The following BNC2 variants were observed in gnomAD, a reference collection of about 807,000 sequenced individuals.
BNC2 encodes basonuclin zinc finger protein 2, also known as zinc finger protein basonuclin-2.
In BNC2, 20 loss-of-function variants were observed where a neutral mutation model predicts 76.3. The observed-to-expected ratio is 0.26, with a 90% CI of 0.18 to 0.38. The LOEUF is 0.38. Ranked by LOEUF, BNC2 falls within the 10% of genes least tolerant of loss-of-function variation. The probability of loss-of-function intolerance (pLI) is 1.00; values close to 1 mark genes in which losing one functional copy is unlikely to be tolerated. For missense variants in BNC2, 1,382 were observed against 1,399.8 expected (o/e 0.99, Z 0.20); for synonymous variants, 582 against 514.8 (o/e 1.13, Z -1.77).
At chr9:16,442,728 T>C (rs751894188) in intron 5 of BNC2, among the ~76,000 whole-genome samples, 16 of 152,160 alleles carry the variant, frequency 1.1e-4, no homozygotes, top group Non-Finnish European at 1.9e-4. Flanking sequence ...ACAACTGCTT[T>C]CTTTCTGTCC....
Position 16,436,766 on chromosome 9 carries a change from G to A in BNC2, c.1428C>T (p.Cys476=), listed in dbSNP as rs373312409. 2.2e-5 allele frequency: 36 copies of A among 1,614,070 alleles called. No homozygotes were observed. The African/African-American group carries it at 4.0e-4, about 18-fold the overall frequency. Residue 476 remains cysteine, a synonymous_variant, in exon 6 of 7, where the codon TGC becomes TGT. Transcript: ENST00000380672. The stretch of plus-strand genomic sequence containing the variant: ...TTCGGAGGGAGCTAAAGACCATGTT[G>A]CAACCTTCAATGGTGCATCGATGTT... ...KIKHRCTIEG[C]NMVFSSLRSR...
chr9:16,471,757 G>A lies in BNC2; in HGVS notation c.670-34233C>T, dbSNP rs556321131. ...GAAATGTGAGGACATAAGATTTGGAGGGGCCAGGTGCAGAATGATATGGTT... is the reference window on the plus strand; with the variant it reads ...GAAATGTGAGGACATAAGATTTGGAAGGGCCAGGTGCAGAATGATATGGTT... On this transcript the variant is annotated intron_variant, in intron 5 of 6. Transcript: ENST00000380672. 7.3e-4 allele frequency among the ~76,000 whole-genome samples: 111 copies of A among 152,268 alleles called. 3 individuals carry two copies. In the South Asian group the frequency reaches 0.022, roughly 30 times the overall value.
chr9:16,698,469 T>C (rs577788329), intron 3 of BNC2, among the ~76,000 whole-genome samples: 4 of 152,252 alleles, frequency 2.6e-5, no homozygotes, highest in African/African-American at 9.6e-5. Context: ...GGCGGGAGGA[T>C]CACCTGAGGT....
In BNC2 at chr9:16,437,374, G is replaced by T. The variant is rs758428402; in HGVS notation, c.820C>A (p.Pro274Thr). The T allele has an allele frequency of 1.2e-6, 2 of 1,613,376 alleles. No individual in the cohort carries two copies. Among genetic ancestry groups the T allele is most frequent in the South Asian group, 2.2e-5 (2 of 91,060 alleles). ...QEKEGQAVAV[P>T]SSKTDSDIRT... ...ATATCTGAGTCTGTCTTTGAAGATG[G>T]TACAGCCACGGCCTGCCCTTCTTTC... The change falls in exon 6 of 7, where the codon CCA becomes ACA. Residue 274 changes from proline (P) to threonine (T), a missense_variant. Around this residue, in one of 3 missense-constraint regions of BNC2, gnomAD observed 557 missense variants for 540.9 expected, o/e 1.03. Coordinates refer to ENST00000380672, the MANE Select transcript of BNC2 (RefSeq NM_017637.6).
chr9:16,694,803 G>A (rs1462568616), intron 3 of BNC2, among the ~76,000 whole-genome samples: 1 of 152,094 alleles, frequency 6.6e-6, no homozygotes, highest in African/African-American at 2.4e-5. Flanking sequence ...CTCCAAGCCT[G>A]CTGAGGACCC....
rs1192578353 is a variant in BNC2 at position 16,793,408 on chromosome 9, T to C, written c.4-54923A>G. On this transcript the variant is annotated intron_variant, in intron 1 of 6. Coordinates refer to ENST00000380672, the MANE Select transcript of BNC2 (RefSeq NM_017637.6). ...ATCAAGGTTCTGCCAGTGGTGAAAA[T>C]GACATGGTTAGGATATGACTTAACA... Among the ~76,000 whole-genome samples the C allele has an allele frequency of 2.6e-5, 4 of 152,262 alleles. No individual in the cohort carries two copies. The East Asian group carries it at 7.7e-4, about 29-fold the overall frequency.
At chr9:16,562,708 C>T (rs895387358) in intron 4 of BNC2, among the ~76,000 whole-genome samples, 1 of 152,078 alleles carries the variant, frequency 6.6e-6, no homozygotes, top group South Asian at 2.1e-4. Context: ...GGTCATGATA[C>T]CTAGCAAAAT....
intron 3 of BNC2, among the ~76,000 whole-genome samples, chr9:16,690,639 T>C (rs1823131421): frequency 6.6e-6 from 1 of 152,080 alleles, no homozygotes; most frequent in African/African-American, 2.4e-5. Flanking sequence ...GTTGTATCAA[T>C]AGGAACATGA....
intron 3 of BNC2, among the ~76,000 whole-genome samples, chr9:16,681,394 T>G (rs912400268): frequency 2.6e-5 from 4 of 152,288 alleles, no homozygotes; most frequent in Middle Eastern, 3.4e-3. Flanking sequence ...TGTGTGTCCC[T>G]GGCAGATGTG....
chr9:16,490,601 G>A (rs1220913751), intron 5 of BNC2, among the ~76,000 whole-genome samples: 1 of 152,094 alleles, frequency 6.6e-6, no homozygotes, highest in African/African-American at 2.4e-5. Flanking sequence ...TGTGTTTAAG[G>A]ACACATCTGT....
intron 3 of BNC2, among the ~76,000 whole-genome samples, chr9:16,700,218 G>A (rs1295168586): frequency 6.6e-6 from 1 of 152,112 alleles, no homozygotes; most frequent in Non-Finnish European, 1.5e-5. Flanking sequence ...TTACTTCATT[G>A]CTATGGATGA....
chr9:16,614,559 GGT>G (rs1047709758), intron 3 of BNC2, among the ~76,000 whole-genome samples: 2 of 151,892 alleles, frequency 1.3e-5, no homozygotes, highest in African/African-American at 4.8e-5. Flanking sequence ...AAGAAAGCAA[GGT>G]TAGAGTTTCC....
intron 1 of BNC2, among the ~76,000 whole-genome samples, chr9:16,822,827 G>A (rs544063312): frequency 1.2e-4 from 19 of 152,200 alleles, no homozygotes; most frequent in Non-Finnish European, 2.5e-4. Context: ...CTAATCAAAC[G>A]TTCCAACATC....
At chr9:16,786,997 T>A (rs1036792733) in intron 1 of BNC2, among the ~76,000 whole-genome samples, 6 of 152,082 alleles carry the variant, frequency 3.9e-5, no homozygotes, top group Non-Finnish European at 5.9e-5. Flanking sequence ...CGAGTAACAG[T>A]GATTCCAGGC....
chr9:16,658,865 C>T (rs1822011922), intron 3 of BNC2, among the ~76,000 whole-genome samples: 1 of 152,180 alleles, frequency 6.6e-6, no homozygotes, highest in East Asian at 1.9e-4. Context: ...ACTCTTTTCC[C>T]TCTAAAAAGC....
At chr9:16,665,480 AAGAAAGAAAGAG>A (rs1249813205) in intron 3 of BNC2, among the ~76,000 whole-genome samples, 171 of 132,060 alleles carry the variant, frequency 1.3e-3, no homozygotes, top group African/African-American at 5.2e-3. Flanking sequence ...GAAAGAAAGA[AAGAAAGAAAGAG>A]AGAGAGAGAA....
rs542421861 is a variant in BNC2, at chr9:16,643,631, C to T, written c.331-60546G>A. 2.0e-5 allele frequency among the ~76,000 whole-genome samples: 3 copies of T among 151,994 alleles called. No homozygotes were observed. The East Asian group carries it at 5.8e-4, about 29-fold the overall frequency. ...TTATTTTTAATTCTAGAATTCTTTGCTTTTTTTGCATGAAAAAATATGGAG... is the reference window on the plus strand; with the variant it reads ...TTATTTTTAATTCTAGAATTCTTTGTTTTTTTTGCATGAAAAAATATGGAG... On this transcript the variant is annotated intron_variant, in intron 3 of 6. Coordinates refer to ENST00000380672, the MANE Select transcript of BNC2 (RefSeq NM_017637.6).
chr9:16,569,114 T>C (rs1819246330), intron 4 of BNC2, among the ~76,000 whole-genome samples: 1 of 151,920 alleles, frequency 6.6e-6, no homozygotes, highest in African/African-American at 2.4e-5. Context: ...AAGGGTTTTT[T>C]TTTTTTTCTT....
intron 1 of BNC2, among the ~76,000 whole-genome samples, chr9:16,853,492 T>C (rs1049490954): frequency 6.6e-6 from 1 of 152,142 alleles, no homozygotes; most frequent in Non-Finnish European, 1.5e-5. Context: ...TTTTAATCCA[T>C]GTTCTACAAT....
Sources: allele counts gnomAD v4.1 joint callset (sites outside exome capture counted in the v4.1 genomes callset), GRCh38; gene constraint gnomAD v4.1.1; regional missense constraint gnomAD v4.1.1; transcripts MANE v1.5; gene names NCBI Gene and HGNC (gene_info 2026-07-23, HGNC 2026-07-21).